Variants in SCFD2 observed in about 807,000 individuals in gnomAD.
SCFD2 encodes sec1 family domain containing 2.
SCFD2 carries 54 observed loss-of-function variants against 58.9 expected under a neutral mutation model. The ratio of observed to expected loss-of-function variants is 0.92; its 90% CI spans 0.74 to 1.15. The LOEUF (loss-of-function observed/expected upper bound fraction) is 1.15. Ranked by LOEUF, SCFD2 falls within the 50% of genes most tolerant of loss-of-function variation. The pLI, the probability that SCFD2 is intolerant of heterozygous loss-of-function variation, is 0.00. For synonymous variants in SCFD2, 321 were observed against 335.9 expected (o/e 0.96, Z 0.49); for missense variants, 805 against 836.6 (o/e 0.96, Z 0.47).
At chr4:52,980,898 C>A (rs1334677684) in intron 5 of SCFD2, among the ~76,000 whole-genome samples, 1 of 152,190 alleles carries the variant, frequency 6.6e-6, no homozygotes, top group Admixed American at 6.5e-5. Context: ...ACTGTGAGTT[C>A]TTAGAGAGCT....
At chr4:52,924,142 T>G (rs1719809393) in intron 5 of SCFD2, among the ~76,000 whole-genome samples, 1 of 152,208 alleles carries the variant, frequency 6.6e-6, no homozygotes, top group South Asian at 2.1e-4. Context: ...GAAAGAGTCA[T>G]CCATTTTCCA....
chr4:53,256,057 G>T (rs1730610435), intron 4 of SCFD2, among the ~76,000 whole-genome samples: 1 of 150,928 alleles, frequency 6.6e-6, no homozygotes, highest in Admixed American at 6.6e-5. Context: ...CGGCTGGCCT[G>T]GTGGGGGCTG....
intron 3 of SCFD2, among the ~76,000 whole-genome samples, chr4:53,296,286 A>G (rs1480977532): frequency 2.6e-5 from 4 of 152,092 alleles, no homozygotes; most frequent in Non-Finnish European, 4.4e-5. Context: ...TTTAGTTGGT[A>G]GGCTATTAAT....
intron 5 of SCFD2, among the ~76,000 whole-genome samples, chr4:53,079,240 G>A (rs555196447): frequency 6.6e-6 from 1 of 152,118 alleles, no homozygotes; most frequent in Non-Finnish European, 1.5e-5. Context: ...ACTGATGTCT[G>A]GGGGGCAGAA....
At chr4:53,087,553 G>A (rs189420687) in intron 5 of SCFD2, among the ~76,000 whole-genome samples, 1,737 of 152,094 alleles carry the variant, frequency 0.011, 18 homozygotes, top group Middle Eastern at 0.034. Flanking sequence ...GGCTAGTCTC[G>A]AATTCCTGAC....
chr4:52,968,316 C>T (rs192959278), intron 5 of SCFD2, among the ~76,000 whole-genome samples: 212 of 152,320 alleles, frequency 1.4e-3, no homozygotes, highest in African/African-American at 4.9e-3. Context: ...TACTAAAAGG[C>T]ACAAAGTCAG....
intron 6 of SCFD2, among the ~76,000 whole-genome samples, chr4:52,913,623 A>G (rs1719537765): frequency 6.6e-6 from 1 of 152,170 alleles, no homozygotes; most frequent in Admixed American, 6.5e-5. Context: ...AATAAATGCA[A>G]TGTGCTTGAA....
At chr4:53,178,198 C>T (rs1487021211) in intron 4 of SCFD2, among the ~76,000 whole-genome samples, 2 of 152,184 alleles carry the variant, frequency 1.3e-5, no homozygotes, top group Non-Finnish European at 2.9e-5. Flanking sequence ...GGCAGACGGC[C>T]TCCTCAAGTG....
chr4:53,263,471 T>G (rs1730889501), intron 4 of SCFD2, among the ~76,000 whole-genome samples: 1 of 152,192 alleles, frequency 6.6e-6, no homozygotes, highest in South Asian at 2.1e-4. Flanking sequence ...CCTCTTCCCC[T>G]AGGGATGGGG....
intron 4 of SCFD2, among the ~76,000 whole-genome samples, chr4:53,160,624 T>C (rs1041435021): frequency 4.6e-5 from 7 of 152,092 alleles, no homozygotes; most frequent in Non-Finnish European, 1.0e-4. Context: ...GTAGGATGTC[T>C]AAGCCCAGGA....
At chr4:53,309,057 C>A (rs1366918674) in intron 3 of SCFD2, among the ~76,000 whole-genome samples, 1 of 151,888 alleles carries the variant, frequency 6.6e-6, no homozygotes, top group Non-Finnish European at 1.5e-5. Flanking sequence ...CGCTTGAACC[C>A]AGGCGGCGGA....
chr4:52,879,262 A>C (rs1261236034), intron 8 of SCFD2, among the ~76,000 whole-genome samples: 1 of 152,192 alleles, frequency 6.6e-6, no homozygotes, highest in Non-Finnish European at 1.5e-5. Context: ...TACCCACCAG[A>C]ATACCTTCCA....
chr4:53,160,494 G>A (rs1296718784), intron 4 of SCFD2, among the ~76,000 whole-genome samples: 1 of 152,192 alleles, frequency 6.6e-6, no homozygotes, highest in Middle Eastern at 3.2e-3. Flanking sequence ...AAAGAGTCTA[G>A]AATTATTCCA....
chr4:52,988,220 C>T (rs1352776864), intron 5 of SCFD2, among the ~76,000 whole-genome samples: 1 of 152,158 alleles, frequency 6.6e-6, no homozygotes, highest in Non-Finnish European at 1.5e-5. Context: ...AAATCACACT[C>T]CGAGTTTTGA....
At chr4:53,212,804 T>C (rs1728663405) in intron 4 of SCFD2, among the ~76,000 whole-genome samples, 1 of 152,014 alleles carries the variant, frequency 6.6e-6, no homozygotes, top group Non-Finnish European at 1.5e-5. Context: ...AATGAACTAT[T>C]CAAATTCTCC....
chr4:53,220,841 A>C (rs1729026616), intron 4 of SCFD2, among the ~76,000 whole-genome samples: 1 of 152,254 alleles, frequency 6.6e-6, no homozygotes, highest in African/African-American at 2.4e-5. Context: ...TGAAATAAAA[A>C]TGTGAAGCCC....
At chr4:53,249,496 C>T (rs1234599760) in intron 4 of SCFD2, among the ~76,000 whole-genome samples, 1 of 152,116 alleles carries the variant, frequency 6.6e-6, no homozygotes, top group Non-Finnish European at 1.5e-5. Context: ...CTCCAAGACA[C>T]ATAATTGTCA....
At chr4:52,901,391 G>C (rs1719195675) in intron 7 of SCFD2, among the ~76,000 whole-genome samples, 4 of 152,198 alleles carry the variant, frequency 2.6e-5, no homozygotes, top group Admixed American at 2.6e-4. Flanking sequence ...CAGTGCTGTG[G>C]AAGTGATGTT....
intron 5 of SCFD2, among the ~76,000 whole-genome samples, chr4:53,006,997 TG>T (rs1315623852): frequency 6.6e-6 from 1 of 152,014 alleles, no homozygotes; most frequent in Non-Finnish European, 1.5e-5. Context: ...AAATGAAATA[TG>T]GGCTGGGCAC....
Sources: allele counts gnomAD v4.1 joint callset (sites outside exome capture counted in the v4.1 genomes callset), GRCh38; gene constraint gnomAD v4.1.1; transcripts MANE v1.5; gene names NCBI Gene and HGNC (gene_info 2026-07-23, HGNC 2026-07-21).